The following RASGRF1 variants were observed in gnomAD, a reference collection of about 807,000 sequenced individuals.
The protein encoded by RASGRF1 is Ras protein specific guanine nucleotide releasing factor 1.
In RASGRF1, 40 loss-of-function variants were observed where a neutral mutation model predicts 138.7. That is an observed-to-expected ratio of 0.29 (90% confidence interval 0.22 to 0.38). The LOEUF is 0.38. Ranked by LOEUF, RASGRF1 falls within the 10% of genes least tolerant of loss-of-function variation. RASGRF1 has a pLI of 1.00. For missense variants in RASGRF1, 1,108 were observed against 1,650.4 expected (o/e 0.67, Z 5.69); for synonymous variants, 614 against 663.2 (o/e 0.93, Z 1.14).
chr15:79,063,214 C>T (rs1385213840), intron 2 of RASGRF1, among the ~76,000 whole-genome samples: 5 of 152,208 alleles, frequency 3.3e-5, no homozygotes. Context: ...ATGTTGCATC[C>T]ATCTGTCTCC....
chr15:79,079,779 T>C (rs2057889935), intron 1 of RASGRF1, among the ~76,000 whole-genome samples: 1 of 152,240 alleles, frequency 6.6e-6, no homozygotes, highest in Admixed American at 6.5e-5. Flanking sequence ...GCTATGGACA[T>C]GCATTACCAA....
At chr15:79,000,527 A>G (rs973246046) in intron 16 of RASGRF1, among the ~76,000 whole-genome samples, 10 of 152,196 alleles carry the variant, frequency 6.6e-5, no homozygotes, top group Non-Finnish European at 1.5e-4. Flanking sequence ...AAAGGCAATA[A>G]CATAGATGAA....
intron 13 of RASGRF1, among the ~76,000 whole-genome samples, chr15:79,013,240 G>T (rs1322025713): frequency 6.6e-6 from 1 of 152,042 alleles, no homozygotes; most frequent in Admixed American, 6.6e-5. Context: ...GGCTGGGGAC[G>T]AGGGTCACAC....
chr15:79,086,849 G>A (rs953241254), intron 1 of RASGRF1, among the ~76,000 whole-genome samples: 3 of 152,182 alleles, frequency 2.0e-5, no homozygotes, highest in Admixed American at 2.0e-4. Context: ...AGAAGGGTAT[G>A]GAACACCAAG....
In RASGRF1 at chr15:79,088,792, G is replaced by A. The variant is rs535185647; in HGVS notation, c.276+1431C>T. 3.3e-5 allele frequency among the ~76,000 whole-genome samples: 5 copies of A among 152,338 alleles called. No homozygotes were observed. In the South Asian group the frequency reaches 8.3e-4, roughly 25 times the overall value. ...GCCTGGGACTGGCTCTTCCACATGA[G>A]TTCCCCAGGCTCCATTTGAGCTGAA... is the stretch of plus-strand genomic sequence containing the variant. On this transcript the variant is annotated intron_variant, in intron 1 of 26. Transcript: ENST00000558480.
rs759302052 is a variant in RASGRF1 at position 79,015,314 on chromosome 15, TA to T, written c.1826+12del. On this transcript the variant is annotated intron_variant, in intron 13 of 26. Coordinates refer to ENST00000558480, the MANE Select transcript of RASGRF1 (RefSeq NM_001145648.3). ...GAATGCTGCCTGGTCAAGATGGGGT[TA>T]AGGGCACTTACTTGATCATCTGCGG... 1.1e-5 allele frequency: 18 copies of T among 1,607,622 alleles called. No homozygotes were observed. Among genetic ancestry groups the T allele is most frequent in the Non-Finnish European group, 1.4e-5 (16 of 1,174,122 alleles).
rs1373204 is a variant in RASGRF1, at chr15:79,045,317, G to T, written c.878+1429C>A. Among the ~76,000 whole-genome samples, 1,385 of 152,274 alleles carry T rather than the reference G, an allele frequency of 9.1e-3. 10 individuals carry two copies. The highest frequency in any genetic ancestry group is 0.032 in the African/African-American group (1,345 of 41,554). On this transcript the variant is annotated intron_variant, in intron 5 of 26. Coordinates refer to ENST00000558480, the MANE Select transcript of RASGRF1 (RefSeq NM_001145648.3). ...CCAGGGTTTGCTCAGCAAGGAACACGTTCTTCACATTTTTCATTCAAATTC... is the reference window on the plus strand; with the variant it reads ...CCAGGGTTTGCTCAGCAAGGAACACTTTCTTCACATTTTTCATTCAAATTC...
Position 79,035,093 on chromosome 15 carries a change from G to T in RASGRF1, c.958+38C>A, listed in dbSNP as rs376990560. On this transcript the variant is annotated intron_variant, in intron 6 of 26. Transcript: ENST00000558480. ...GCTTTTGGGGTGGCCCCTGGAGGGG[G>T]ACTTCTCTGGGGGCCGCAGTGAGGG... The T allele has an allele frequency of 8.4e-6, 13 of 1,553,668 alleles. No homozygotes were observed. In the African/African-American group the frequency reaches 1.5e-4, roughly 18 times the overall value.
chr15:79,051,553 C>T lies in RASGRF1; in HGVS notation c.532-1965G>A, dbSNP rs145841449. Among the ~76,000 whole-genome samples the T allele has an allele frequency of 1.6e-3, 247 of 152,290 alleles. 1 individual carries two copies. Among genetic ancestry groups the T allele is most frequent in the African/African-American group, 5.6e-3 (233 of 41,568 alleles). On this transcript the variant is annotated intron_variant, in intron 3 of 26. Transcript: ENST00000558480. ...CCTCTGTGCCAGGATGCTTTCTTTG[C>T]CAGTTTTGGGATTTGCACATAGCAC...
At chr15:78,979,769 G>A (rs149008410) in intron 24 of RASGRF1, among the ~76,000 whole-genome samples, 1 of 152,358 alleles carries the variant, frequency 6.6e-6, no homozygotes, top group African/African-American at 2.4e-5. Context: ...GCTAGGCCAC[G>A]GCCATGTGGC....
chr15:79,043,542 G>A (rs544083770), intron 5 of RASGRF1, among the ~76,000 whole-genome samples: 1 of 152,282 alleles, frequency 6.6e-6, no homozygotes, highest in Admixed American at 6.5e-5. Flanking sequence ...GACCTCTAGA[G>A]TCCATATTCT....
At position 78,984,954 on chromosome 15, in the gene RASGRF1, C is replaced by T. The variant is rs553079013; in HGVS notation, c.3414+53G>A. 323 of 1,573,648 alleles carry T rather than the reference C, an allele frequency of 2.1e-4. 1 individual carries two copies. The South Asian group carries it at 3.4e-3, about 17-fold the overall frequency. On this transcript the variant is annotated intron_variant, in intron 23 of 26. Coordinates refer to ENST00000558480, the MANE Select transcript of RASGRF1 (RefSeq NM_001145648.3). ...GTGGCCAGCCCACGGGTCTTCCTGC[C>T]CTAGCCCCAATCCAGCCCCAGGGAG... is the stretch of plus-strand genomic sequence containing the variant.
At chr15:79,023,202 C>T (rs1287060151) in intron 10 of RASGRF1, among the ~76,000 whole-genome samples, 2 of 151,018 alleles carry the variant, frequency 1.3e-5, no homozygotes, top group African/African-American at 4.9e-5. Context: ...CACCTTCTGG[C>T]CCTTTCCAGG....
intron 1 of RASGRF1, among the ~76,000 whole-genome samples, chr15:79,070,477 A>T (rs889149285): frequency 9.2e-5 from 14 of 152,240 alleles, no homozygotes; most frequent in African/African-American, 3.4e-4. Context: ...AGGAGGACTA[A>T]GCAGGTGGAG....
chr15:79,088,676 G>C (rs2058013567), intron 1 of RASGRF1, among the ~76,000 whole-genome samples: 1 of 152,178 alleles, frequency 6.6e-6, no homozygotes, highest in South Asian at 2.1e-4. Context: ...TGGGGCTTGG[G>C]CTGCAGGCCC....
At position 78,967,382 on chromosome 15, in the gene RASGRF1, C is replaced by CA. The variant is rs549937045; in HGVS notation, c.3681+4483dup. Among the ~76,000 whole-genome samples the CA allele has an allele frequency of 9.2e-5, 14 of 152,154 alleles. No individual in the cohort carries two copies. In the South Asian group the frequency reaches 2.7e-3, roughly 29 times the overall value. The stretch of plus-strand genomic sequence containing the variant: ...ACAACATGGCAAAACCCTGTTTCTA[C>CA]AAAAAATATAAAAGAATTAGTTGGG... On this transcript the variant is annotated intron_variant, in intron 26 of 26. Coordinates refer to ENST00000558480, the MANE Select transcript of RASGRF1 (RefSeq NM_001145648.3).
chr15:78,980,148 T>C (rs1344663243), intron 24 of RASGRF1: 1 of 152,896 alleles, frequency 6.5e-6, no homozygotes, highest in Non-Finnish European at 1.5e-5. Context: ...ACTTTAAGTA[T>C]GATTATTGTA....
chr15:79,039,511 T>C (rs1364050831), intron 5 of RASGRF1, among the ~76,000 whole-genome samples: 1 of 152,188 alleles, frequency 6.6e-6, no homozygotes, highest in Non-Finnish European at 1.5e-5. Flanking sequence ...TATGCATTCA[T>C]TCTTCCAATT....
At chr15:79,017,628 A>G (rs1443656) in intron 12 of RASGRF1, 142 bp downstream of exon 12, 99,743 of 1,108,276 alleles carry the variant, frequency 0.09, 5,039 homozygotes, top group East Asian at 0.14. Context: ...AGGGCTGTGG[A>G]CTTGGAAGAT....
Sources: allele counts gnomAD v4.1 joint callset (sites outside exome capture counted in the v4.1 genomes callset), GRCh38; gene constraint gnomAD v4.1.1; transcripts MANE v1.5; gene names NCBI Gene and HGNC (gene_info 2026-07-23, HGNC 2026-07-21).